KIF7: variants seen among roughly 807,000 people sequenced by gnomAD.
KIF7 encodes the protein kinesin family member 7, also known as kinesin-like protein KIF7.
Under a neutral mutation model 135.7 loss-of-function variants are expected in KIF7, and 104 were observed. The ratio of observed to expected loss-of-function variants is 0.77; its 90% CI spans 0.65 to 0.90. KIF7 has a LOEUF of 0.90. Among genes scored for constraint, KIF7 ranks in the 40% least tolerant of loss-of-function variants. KIF7 has a pLI of 0.00. For synonymous variants in KIF7, 883 were observed against 809.4 expected (o/e 1.09, Z -1.54); for missense variants, 2,005 against 1,839.1 (o/e 1.09, Z -1.65).
chr15:89,654,158 C>T (rs1302522538), intron 1 of KIF7, among the ~76,000 whole-genome samples: 5 of 151,978 alleles, frequency 3.3e-5, no homozygotes, highest in Non-Finnish European at 7.4e-5. Flanking sequence ...TACAGGCGCC[C>T]GCCACCACGC....
At chr15:89,634,914 C>A (rs1963771297) in intron 11 of KIF7, among the ~76,000 whole-genome samples, 1 of 152,336 alleles carries the variant, frequency 6.6e-6, no homozygotes, top group South Asian at 2.1e-4. Flanking sequence ...CCTCTGCAGA[C>A]TTAAATGTCC....
At chr15:89,626,313 T>C (rs1050524716), downstream of KIF7, among the ~76,000 whole-genome samples, 5 of 152,234 alleles carry the variant, frequency 3.3e-5, no homozygotes, top group Non-Finnish European at 5.9e-5. Flanking sequence ...AGTCGTGGGC[T>C]TGCCGCAACA....
chr15:89,624,082 A>T (rs372259879), downstream of KIF7: 1 of 1,613,830 alleles, frequency 6.2e-7, no homozygotes, highest in African/African-American at 1.3e-5. Context: ...AGCAGCCTTC[A>T]TGGGCACGCC....
At chr15:89,629,834 C>G (rs146119448) in intron 16 of KIF7, 1 of 573,594 alleles carries the variant, frequency 1.7e-6, no homozygotes, top group Non-Finnish European at 3.1e-6. Flanking sequence ...CTGGGCAGAG[C>G]GTCAAGTTGT....
Position 89,634,330 on chromosome 15 carries a change from T to C in KIF7, c.2395-447A>G, listed in dbSNP as rs143096356. Among the ~76,000 whole-genome samples, 312 of 152,248 alleles carry C rather than the reference T, an allele frequency of 2.0e-3. 1 individual carries two copies. The highest frequency in any genetic ancestry group is 7.0e-3 in the African/African-American group (289 of 41,564). On this transcript the variant is annotated intron_variant, in intron 11 of 18. Coordinates refer to ENST00000394412, the MANE Select transcript of KIF7 (RefSeq NM_198525.3). ...TAATAACAGGACACAGGAGCCAAGA[T>C]GGCCGAATAGGAACAGCTCCAGTCT... is the stretch of plus-strand genomic sequence containing the variant.
chr15:89,646,526 T>A (rs1052586756), intron 7 of KIF7, among the ~76,000 whole-genome samples: 2 of 152,146 alleles, frequency 1.3e-5, no homozygotes, highest in East Asian at 3.9e-4. Context: ...GAGCTCTCCG[T>A]ATGCAGAAGT....
chr15:89,639,034 A>T (rs1027522391), intron 11 of KIF7, among the ~76,000 whole-genome samples: 1 of 152,144 alleles, frequency 6.6e-6, no homozygotes, highest in East Asian at 1.9e-4. Flanking sequence ...GAGAAAAGCA[A>T]TGGGGAAAGG....
rs1182032856 is a variant in KIF7, at chr15:89,649,938, G to A, written c.332C>T (p.Ser111Phe). Residue 111 changes from serine (S) to phenylalanine (F), a missense_variant, in exon 3 of 19, where the codon TCC (serine) becomes TTC (phenylalanine). By Grantham distance (155) the Ser-to-Phe change is radical. Transcript: ENST00000394412. ...TYTMGEASVA[S>F]LLEDEQGIVP... ...AATGCCCTGCTCATCCTCAAGGAGG[G>A]AGGCTGGGGAGACACCGCAGGGCCT... 10 of 1,550,798 alleles carry A rather than the reference G, an allele frequency of 6.4e-6. No homozygotes were observed. Among genetic ancestry groups the A allele is most frequent in the Non-Finnish European group, 8.7e-6 (10 of 1,146,954 alleles).
the KIF7 span, among the ~76,000 whole-genome samples, chr15:89,661,085 A>G: frequency 1.3e-5 from 2 of 152,226 alleles, no homozygotes; most frequent in Non-Finnish European, 2.9e-5. Flanking sequence ...CAGTCTTAGG[A>G]TAGTTTGTTA....
At chr15:89,624,265 G>A (rs1963473683), downstream of KIF7, 1 of 1,614,168 alleles carries the variant, frequency 6.2e-7, no homozygotes, top group Non-Finnish European at 8.5e-7. Context: ...TTTATGTGAT[G>A]TCTCCAAGAA....
rs571589245 is a variant in KIF7 at position 89,641,128 on chromosome 15, C to T, written c.2394+1075G>A. On this transcript the variant is annotated intron_variant, in intron 11 of 18. Coordinates refer to ENST00000394412, the MANE Select transcript of KIF7 (RefSeq NM_198525.3). ...ATATGACTGCGTTTGTAAAGAAGGTCTTTAGAGAGGTGATTAGTTTAAATG... is the reference window on the plus strand; with the variant it reads ...ATATGACTGCGTTTGTAAAGAAGGTTTTTAGAGAGGTGATTAGTTTAAATG... Among the ~76,000 whole-genome samples the T allele has an allele frequency of 1.2e-4, 19 of 152,212 alleles. No individual in the cohort carries two copies. The South Asian group carries it at 3.7e-3, about 30-fold the overall frequency.
chr15:89,628,291 T>C lies in KIF7; in HGVS notation c.*128A>G. ...CATGGCCCAAATTTGTTGATCCCAG[T>C]GAGGGTACAGATGAGGGCCTGGATT... On this transcript the variant is annotated 3_prime_UTR_variant, in exon 19 of 19. Coordinates refer to ENST00000394412, the MANE Select transcript of KIF7 (RefSeq NM_198525.3). 8.1e-7 allele frequency: 1 copy of C among 1,232,180 alleles called. No homozygotes were observed. Among genetic ancestry groups the C allele is most frequent in the Non-Finnish European group, 1.1e-6 (1 of 897,488 alleles). 76.3% of individuals were successfully genotyped at this position (1,232,180 alleles called of 1,614,324 possible).
intron 6 of KIF7, among the ~76,000 whole-genome samples, 166 bp from the exon 7 acceptor site, chr15:89,647,223 ACT>A (rs1477383669): frequency 4.6e-5 from 7 of 151,420 alleles, no homozygotes; most frequent in Non-Finnish European, 8.8e-5. Context: ...TCAGACTCAA[ACT>A]CACCCCACAG....
At chr15:89,621,420 G>C in intron 1 of KIF7, 1 of 1,609,946 alleles carries the variant, frequency 6.2e-7, no homozygotes, top group Non-Finnish European at 8.5e-7. Flanking sequence ...CCAGTCCAAA[G>C]TATTCGGTCT....
At chr15:89,658,811 C>A (rs1964230802), upstream of KIF7, among the ~76,000 whole-genome samples, 1 of 152,042 alleles carries the variant, frequency 6.6e-6, no homozygotes, top group Admixed American at 6.6e-5. Context: ...ATGCAGTGAG[C>A]TGTGATGGCG....
In KIF7 at chr15:89,649,277, G is replaced by C; in HGVS notation, c.620C>G (p.Ala207Gly). The C allele has an allele frequency of 1.3e-6, 2 of 1,514,738 alleles. No homozygotes were observed. Among genetic ancestry groups the C allele is most frequent in the African/African-American group, 1.4e-5 (1 of 72,112 alleles). 93.8% of individuals were successfully genotyped at this position (1,514,738 alleles called of 1,614,324 possible). ...EMGNAARHTG[A>G]THLNHLSSRS... ...GCTAGACAGGTGGTTGAGGTGCGTG[G>C]CTCCCGTGTGCCGCGCCGCGTTGCC... The change falls in exon 4 of 19, where the codon GCC (alanine) becomes GGC (glycine). Residue 207 changes from alanine (A) to glycine (G), a missense_variant. Physicochemically the swap from Ala to Gly is moderately conservative, Grantham distance 60 (BLOSUM62 0). Coordinates refer to ENST00000394412, the MANE Select transcript of KIF7 (RefSeq NM_198525.3).
Position 89,652,691 on chromosome 15 carries a change from C to T in KIF7, c.240G>A (p.Glu80=). ...TGGCATTGAAGCCCTCGAAGAAGGC[C>T]TCAAGGAGGGGCTGAACGCAGGCCT... The part of the protein sequence containing the change: ...VYQACVQPLL[E]AFFEGFNATV... The change falls in exon 2 of 19, where the codon GAG becomes GAA. Residue 80 remains glutamate, a synonymous_variant. Coordinates refer to ENST00000394412, the MANE Select transcript of KIF7 (RefSeq NM_198525.3). 6.4e-7 allele frequency: 1 copy of T among 1,551,776 alleles called. No individual in the cohort carries two copies.
At chr15:89,625,181 C>T (rs746112682), downstream of KIF7, 5 of 1,613,632 alleles carry the variant, frequency 3.1e-6, no homozygotes, top group African/African-American at 4.0e-5. Context: ...TATGTGTCAC[C>T]CCCCTGCCCC....
At chr15:89,647,495 G>A in intron 6 of KIF7, 101 bp downstream of exon 6, 1 of 1,041,772 alleles carries the variant, frequency 9.6e-7, no homozygotes, top group Non-Finnish European at 1.5e-6. Flanking sequence ...CTACCCCGCA[G>A]TACCCTACCC....
Sources: gnomAD v4.1 joint callset for allele counts (sites outside exome capture counted in the v4.1 genomes callset) on GRCh38, gnomAD v4.1.1 for gene constraint, MANE v1.5 for transcripts, NCBI Gene and HGNC (gene_info 2026-07-23, HGNC 2026-07-21) for gene names.